ZC2HC1B: variants seen among roughly 807,000 people sequenced by gnomAD.
ZC2HC1B encodes the protein zinc finger C2HC domain-containing protein 1B.
In ZC2HC1B, 36 loss-of-function variants were observed where a neutral mutation model predicts 31.0. The observed-to-expected ratio is 1.16, with a 90% confidence interval of 0.89 to 1.54. The LOEUF is 1.54. Among genes scored for constraint, ZC2HC1B ranks in the 40% most tolerant of loss-of-function variants. ZC2HC1B has a pLI of 0.00. For synonymous variants in ZC2HC1B, 73 were observed against 88.0 expected (o/e 0.83, Z 0.95); for missense variants, 260 against 268.6 (o/e 0.97, Z 0.22).
intron 6 of ZC2HC1B, among the ~76,000 whole-genome samples, chr6:143,926,530 CA>C (rs1301702649): frequency 6.6e-6 from 1 of 151,956 alleles, no homozygotes; most frequent in African/African-American, 2.4e-5. Context: ...CGTGGCCTAG[CA>C]TATGGTCTAT....
chr6:143,886,633 T>C lies in ZC2HC1B; in HGVS notation c.211-50T>C. 7.2e-7 allele frequency: 1 copy of C among 1,396,908 alleles called. No homozygotes were observed. The highest frequency in any genetic ancestry group is 9.3e-7 in the Non-Finnish European group (1 of 1,070,392). The allele number at this position is 1,396,908 out of a possible 1,614,324, so 86.5% of individuals were successfully genotyped here. A position where few individuals can be genotyped will look rare whatever the true frequency, so the allele number is the denominator to read the frequency against. ...ATTCCAGCTTTAAACAAAATTGTAATGGAGAGGTATATAGTCTAGGGTATT... is the reference window on the plus strand; with the variant it reads ...ATTCCAGCTTTAAACAAAATTGTAACGGAGAGGTATATAGTCTAGGGTATT... On this transcript the variant is annotated intron_variant, in intron 3 of 7. Transcript: ENST00000237275. The surrounding 1 kb of genome is among the most constrained non-coding windows in gnomAD (Gnocchi z 4.2).
At chr6:143,890,007 T>C (rs1457620689) in intron 4 of ZC2HC1B, among the ~76,000 whole-genome samples, 1 of 152,062 alleles carries the variant, frequency 6.6e-6, no homozygotes, top group Non-Finnish European at 1.5e-5. Flanking sequence ...CAAAAATATA[T>C]CTGGAAAATT....
In ZC2HC1B at chr6:143,873,716, C is replaced by T. The variant is rs200870899; in HGVS notation, c.28+9149C>T. 5.9e-5 allele frequency among the ~76,000 whole-genome samples: 9 copies of T among 152,356 alleles called. No homozygotes were observed. The East Asian group carries it at 1.7e-3, about 29-fold the overall frequency. On this transcript the variant is annotated intron_variant, in intron 1 of 7. Transcript: ENST00000237275. ...GGCATAGCCCGAGCTGTACATTGGC[C>T]CCAATCAGCCACAGCTGAAGTGGCT...
At chr6:143,916,175 G>A (rs1777915013) in intron 6 of ZC2HC1B, among the ~76,000 whole-genome samples, 2 of 152,202 alleles carry the variant, frequency 1.3e-5, no homozygotes, top group Non-Finnish European at 2.9e-5. Context: ...TGACTAAAAG[G>A]GGCCAAGGTA....
At chr6:143,930,667 G>A (rs559002166) in intron 6 of ZC2HC1B, among the ~76,000 whole-genome samples, 7 of 152,124 alleles carry the variant, frequency 4.6e-5, no homozygotes, top group Non-Finnish European at 7.4e-5. Context: ...GTGAGCCACC[G>A]CGCCCAGCCA....
intron 4 of ZC2HC1B, among the ~76,000 whole-genome samples, chr6:143,897,493 AG>A (rs1777681193): frequency 6.6e-6 from 1 of 151,776 alleles, no homozygotes; most frequent in Admixed American, 6.6e-5. Flanking sequence ...AAATGAAAGA[AG>A]AAAAAAAAGA....
rs1381010910 is a variant in ZC2HC1B, at chr6:143,915,893, A to G, written c.598+12741A>G. ...GAGCATAAAAGTTTGGAAAAGTTGC[A>G]GCCTGACAATGCAATAGAAAAGAAA... On this transcript the variant is annotated intron_variant, in intron 6 of 7. Transcript: ENST00000237275. This position sits in a 1 kb window ranked among gnomAD's most constrained non-coding sequence, Gnocchi z 5.2. Among the ~76,000 whole-genome samples, 1 of 152,244 alleles carries G rather than the reference A, an allele frequency of 6.6e-6. No individual in the cohort carries two copies. Among genetic ancestry groups the G allele is most frequent in the Non-Finnish European group, 1.5e-5 (1 of 68,038 alleles).
At chr6:143,931,863 TC>T (rs869228533) in intron 6 of ZC2HC1B, among the ~76,000 whole-genome samples, 2,921 of 38,150 alleles carry the variant, frequency 0.077, 96 homozygotes, top group African/African-American at 0.17. Context: ...TTCTTCTTCT[TC>T]TTTTTTTTTT....
intron 1 of ZC2HC1B, among the ~76,000 whole-genome samples, chr6:143,875,305 G>A (rs1777392209): frequency 2.0e-5 from 3 of 152,008 alleles, no homozygotes; most frequent in African/African-American, 7.3e-5. Flanking sequence ...CTCCCTGATG[G>A]GATGAGTAGG....
In ZC2HC1B at chr6:143,933,116, G is replaced by T. The variant is rs1778141116; in HGVS notation, c.599-4533G>T. Among the ~76,000 whole-genome samples the T allele has an allele frequency of 6.6e-6, 1 of 152,230 alleles. No homozygotes were observed. Among genetic ancestry groups the T allele is most frequent in the Non-Finnish European group, 1.5e-5 (1 of 68,042 alleles). The stretch of plus-strand genomic sequence containing the variant: ...GTTTACTGTGTTGTCTTTCTTGAAT[G>T]CTGGTTATGCTAGCAGCGAAGTTGT... On this transcript the variant is annotated intron_variant, in intron 6 of 7. Coordinates refer to ENST00000237275, the MANE Select transcript of ZC2HC1B (RefSeq NM_001013623.3). The surrounding 1 kb of genome is among the most constrained non-coding windows in gnomAD (Gnocchi z 6.4).
Position 143,913,492 on chromosome 6 carries a change from G to T in ZC2HC1B, c.598+10340G>T, listed in dbSNP as rs1562345583. 1.3e-5 allele frequency among the ~76,000 whole-genome samples: 2 copies of T among 152,126 alleles called. No homozygotes were observed. The highest frequency in any genetic ancestry group is 4.8e-5 in the African/African-American group (2 of 41,400). ...ATCTTGTCAGGTGTGGTGGAAGTGGGGTCTACAGAATGATGCTGCTTGGCT... is the reference window on the plus strand; with the variant it reads ...ATCTTGTCAGGTGTGGTGGAAGTGGTGTCTACAGAATGATGCTGCTTGGCT... On this transcript the variant is annotated intron_variant, in intron 6 of 7. Coordinates refer to ENST00000237275, the MANE Select transcript of ZC2HC1B (RefSeq NM_001013623.3). The surrounding 1 kb of genome is among the most constrained non-coding windows in gnomAD (Gnocchi z 5.7).
In ZC2HC1B at chr6:143,884,523, T is replaced by C. The variant is rs1040398808; in HGVS notation, c.90+158T>C. ...TATGGCTGGTGGGCCCAGAGAACAC[T>C]GAGGCAGATTGATGCTGCCTCATTC... On this transcript the variant is annotated intron_variant, in intron 2 of 7. Transcript: ENST00000237275. The surrounding 1 kb of genome is among the most constrained non-coding windows in gnomAD (Gnocchi z 5.1). 6.6e-6 allele frequency among the ~76,000 whole-genome samples: 1 copy of C among 152,162 alleles called. No homozygotes were observed. The highest frequency in any genetic ancestry group is 1.5e-5 in the Non-Finnish European group (1 of 68,032).
In ZC2HC1B at chr6:143,868,554, C is replaced by G. The variant is rs1426734468; in HGVS notation, c.28+3987C>G. Among the ~76,000 whole-genome samples, 1 of 152,100 alleles carries G rather than the reference C, an allele frequency of 6.6e-6. No individual in the cohort carries two copies. Among genetic ancestry groups the G allele is most frequent in the Non-Finnish European group, 1.5e-5 (1 of 68,006 alleles). ...CAGATTAAGGATGAGTCTGCCTTCC[C>G]CAGCCCACTAACTCAAATGTTAATC... is the stretch of plus-strand genomic sequence containing the variant. On this transcript the variant is annotated intron_variant, in intron 1 of 7. Coordinates refer to ENST00000237275, the MANE Select transcript of ZC2HC1B (RefSeq NM_001013623.3). The surrounding 1 kb of genome is among the most constrained non-coding windows in gnomAD (Gnocchi z 4.2).
At position 143,915,753 on chromosome 6, in the gene ZC2HC1B, C is replaced by T. The variant is rs2128496418; in HGVS notation, c.598+12601C>T. Among the ~76,000 whole-genome samples, 1 of 152,278 alleles carries T rather than the reference C, an allele frequency of 6.6e-6. No individual in the cohort carries two copies. Among genetic ancestry groups the T allele is most frequent in the Admixed American group, 6.5e-5 (1 of 15,294 alleles). On this transcript the variant is annotated intron_variant, in intron 6 of 7. Coordinates refer to ENST00000237275, the MANE Select transcript of ZC2HC1B (RefSeq NM_001013623.3). This position sits in a 1 kb window ranked among gnomAD's most constrained non-coding sequence, Gnocchi z 5.2. ...GCCCCTGCCATAGAGATGTGTGGAA[C>T]TTTGGACTTCAGGGAGATGACTTAG...
rs1395750228 is a variant in ZC2HC1B at position 143,924,183 on chromosome 6, T to G, written c.599-13466T>G. Among the ~76,000 whole-genome samples, 2 of 152,034 alleles carry G rather than the reference T, an allele frequency of 1.3e-5. No homozygotes were observed. Among genetic ancestry groups the G allele is most frequent in the African/African-American group, 4.8e-5 (2 of 41,436 alleles). On this transcript the variant is annotated intron_variant, in intron 6 of 7. Coordinates refer to ENST00000237275, the MANE Select transcript of ZC2HC1B (RefSeq NM_001013623.3). This position sits in a 1 kb window ranked among gnomAD's most constrained non-coding sequence, Gnocchi z 5.2. ...TCACTTTCTTGGTTTAATTTATTCC[T>G]AAGTATTTTATTTTTTGTAGCTATT...
At chr6:143,925,901 G>C (rs924070960) in intron 6 of ZC2HC1B, among the ~76,000 whole-genome samples, 8 of 152,008 alleles carry the variant, frequency 5.3e-5, no homozygotes, top group Admixed American at 5.2e-4. Context: ...TTTCTAATTT[G>C]TTAGCATATA....
At position 143,918,252 on chromosome 6, in the gene ZC2HC1B, A is replaced by G. The variant is rs1446456194; in HGVS notation, c.598+15100A>G. On this transcript the variant is annotated intron_variant, in intron 6 of 7. Transcript: ENST00000237275. This position sits in a 1 kb window ranked among gnomAD's most constrained non-coding sequence, Gnocchi z 4.1. ...TGGGCTCAAGCAATCCTCCTACCCC[A>G]GCCTCCTGAGTAGCTGAGACTAGAG... Among the ~76,000 whole-genome samples, 1 of 152,136 alleles carries G rather than the reference A, an allele frequency of 6.6e-6. No homozygotes were observed. Among genetic ancestry groups the G allele is most frequent in the Non-Finnish European group, 1.5e-5 (1 of 68,042 alleles).
chr6:143,927,756 A>G (rs912105578), intron 6 of ZC2HC1B, among the ~76,000 whole-genome samples: 4 of 152,214 alleles, frequency 2.6e-5, no homozygotes, highest in African/African-American at 9.6e-5. Context: ...CATTTCTACC[A>G]ACATTTATAA....
At position 143,915,189 on chromosome 6, in the gene ZC2HC1B, G is replaced by T. The variant is rs1274994206; in HGVS notation, c.598+12037G>T. Among the ~76,000 whole-genome samples, 1 of 152,092 alleles carries T rather than the reference G, an allele frequency of 6.6e-6. No individual in the cohort carries two copies. Among genetic ancestry groups the T allele is most frequent in the Non-Finnish European group, 1.5e-5 (1 of 68,024 alleles). On this transcript the variant is annotated intron_variant, in intron 6 of 7. Coordinates refer to ENST00000237275, the MANE Select transcript of ZC2HC1B (RefSeq NM_001013623.3). This position sits in a 1 kb window ranked among gnomAD's most constrained non-coding sequence, Gnocchi z 5.2. Reference sequence around the variant, plus strand: ...TGAATCATGGGGGCAAGTCTTCCCTGTGCTATTCTTATGACAATGAGTAAG... The same window carrying T: ...TGAATCATGGGGGCAAGTCTTCCCTTTGCTATTCTTATGACAATGAGTAAG...
Sources: allele counts gnomAD v4.1 joint callset (sites outside exome capture counted in the v4.1 genomes callset), GRCh38; gene constraint gnomAD v4.1.1; non-coding constraint Gnocchi (gnomAD v3.1); transcripts MANE v1.5; gene names NCBI Gene and HGNC (gene_info 2026-07-23, HGNC 2026-07-21).